The following LIN9 variants were observed in gnomAD, a reference collection of about 807,000 sequenced individuals.
The protein encoded by LIN9 is protein lin-9 homolog.
Under a neutral mutation model 78.0 loss-of-function variants are expected in LIN9, and 18 were observed. The ratio of observed to expected loss-of-function variants is 0.23; its 90% CI spans 0.16 to 0.34. The LOEUF (loss-of-function observed/expected upper bound fraction) is 0.34. Ranked by LOEUF, LIN9 falls within the 10% of genes least tolerant of loss-of-function variation. The pLI is 1.00. For synonymous variants in LIN9, 192 were observed against 215.2 expected (o/e 0.89, Z 0.94); for missense variants, 451 against 644.1 (o/e 0.70, Z 3.25).
At chr1:226,283,951 AAGAG>A (rs200206974) in intron 6 of LIN9, among the ~76,000 whole-genome samples, 96 of 151,966 alleles carry the variant, frequency 6.3e-4, no homozygotes, top group South Asian at 5.4e-3. Flanking sequence ...TCAAAAAAAA[AAGAG>A]AGAGAGAGAG....
intron 10 of LIN9, among the ~76,000 whole-genome samples, chr1:226,253,379 C>T (rs1658971737): frequency 6.6e-6 from 1 of 151,432 alleles, no homozygotes; most frequent in African/African-American, 2.4e-5. Context: ...ATCTTGGCTT[C>T]ACCTCCCAGG....
At chr1:226,306,505 A>G (rs949206646) in intron 1 of LIN9, among the ~76,000 whole-genome samples, 6 of 152,214 alleles carry the variant, frequency 3.9e-5, no homozygotes, top group African/African-American at 1.4e-4. Context: ...CTAAGAAGAA[A>G]TGTGAAACAG....
chr1:226,277,782 T>C lies in LIN9; in HGVS notation c.675A>G (p.Lys225=). The C allele has an allele frequency of 6.2e-7, 1 of 1,613,260 alleles. No homozygotes were observed. Among genetic ancestry groups the C allele is most frequent in the Middle Eastern group, 1.7e-4 (1 of 6,040 alleles). ...TAGCTTGTTTTCACTTACCTGTAAC[T>C]TTCGTTCCAATAACCAGAGGCAAAG... ...EIPLPLVIGT[K]VTARLRGVHD... The change falls in exon 7 of 15, where the codon AAA becomes AAG. Residue 225 remains lysine, a synonymous_variant. Coordinates refer to ENST00000681046, the MANE Select transcript of LIN9 (RefSeq NM_001366245.2).
At chr1:226,247,013 C>T (rs1253293395) in intron 11 of LIN9, among the ~76,000 whole-genome samples, 3 of 152,012 alleles carry the variant, frequency 2.0e-5, no homozygotes, top group South Asian at 2.1e-4. Context: ...TCCTATTTAT[C>T]GTCTCTTCTC....
intron 10 of LIN9, among the ~76,000 whole-genome samples, chr1:226,262,416 C>T (rs1333691899): frequency 1.3e-5 from 2 of 152,238 alleles, no homozygotes; most frequent in East Asian, 1.9e-4. Flanking sequence ...ATACAAAGAA[C>T]TCTTAAAACC....
chr1:226,287,928 C>G, intron 4 of LIN9, 131 bp from the exon 5 acceptor site: 1 of 625,532 alleles, frequency 1.6e-6, no homozygotes. Context: ...CACTGATATT[C>G]AACATGGAAT....
intron 10 of LIN9, among the ~76,000 whole-genome samples, chr1:226,263,398 T>C (rs1659715742): frequency 6.6e-6 from 1 of 152,202 alleles, no homozygotes; most frequent in Non-Finnish European, 1.5e-5. Context: ...GGGAAATATC[T>C]GTATCTTCTT....
intron 1 of LIN9, among the ~76,000 whole-genome samples, chr1:226,302,547 CA>C (rs750572116): frequency 1.7e-3 from 131 of 79,104 alleles, no homozygotes; most frequent in Middle Eastern, 6.4e-3. Flanking sequence ...ACTCCATGTC[CA>C]AAAAAAAAAA....
At chr1:226,254,728 G>A (rs373096806) in intron 10 of LIN9, among the ~76,000 whole-genome samples, 4 of 151,898 alleles carry the variant, frequency 2.6e-5, no homozygotes, top group Admixed American at 1.3e-4. Context: ...TGGCTAACAC[G>A]GTGAAACCCC....
At chr1:226,243,027 T>A (rs1658215622) in intron 11 of LIN9, among the ~76,000 whole-genome samples, 1 of 152,222 alleles carries the variant, frequency 6.6e-6, no homozygotes, top group Admixed American at 6.5e-5. Flanking sequence ...CAGTAGGCTA[T>A]TAGTAGTTAA....
chr1:226,256,502 C>G (rs1659201440), intron 10 of LIN9, among the ~76,000 whole-genome samples: 1 of 151,714 alleles, frequency 6.6e-6, no homozygotes, highest in African/African-American at 2.4e-5. Context: ...AGTTGTGCAG[C>G]AGCCTGAGAA....
intron 10 of LIN9, among the ~76,000 whole-genome samples, chr1:226,255,645 C>T (rs1278435879): frequency 6.6e-6 from 1 of 152,064 alleles, no homozygotes; most frequent in Non-Finnish European, 1.5e-5. Flanking sequence ...GAGTAATAAG[C>T]TAAGGCCTCT....
chr1:226,305,858 C>T (rs774492432), intron 1 of LIN9, among the ~76,000 whole-genome samples: 5 of 152,106 alleles, frequency 3.3e-5, no homozygotes, highest in East Asian at 3.9e-4. Flanking sequence ...GGATCCCTCT[C>T]GCTGTGTGTT....
intron 6 of LIN9, among the ~76,000 whole-genome samples, chr1:226,280,791 CA>C (rs965721887): frequency 6.6e-6 from 1 of 151,420 alleles, no homozygotes; most frequent in Non-Finnish European, 1.5e-5. Context: ...AACACATAAA[CA>C]AAAAAAACCA....
At chr1:226,244,900 T>C (rs1658365732) in intron 11 of LIN9, among the ~76,000 whole-genome samples, 2 of 152,230 alleles carry the variant, frequency 1.3e-5, no homozygotes, top group Admixed American at 1.3e-4. Context: ...TGCTCCTTCT[T>C]GATGAACATT....
chr1:226,265,696 T>A lies in LIN9; in HGVS notation c.937-62A>T. ...ATTCAGAGGAAGTATCTTATTTTTTTATTTTTATTTTTTTTTAGACGGAGT... is the reference window on the plus strand; with the variant it reads ...ATTCAGAGGAAGTATCTTATTTTTTAATTTTTATTTTTTTTTAGACGGAGT... On this transcript the variant is annotated intron_variant, in intron 9 of 14. Coordinates refer to ENST00000681046, the MANE Select transcript of LIN9 (RefSeq NM_001366245.2). This position sits in a 1 kb window ranked among gnomAD's most constrained non-coding sequence, Gnocchi z 4.1. 5 of 930,252 alleles carry A rather than the reference T, an allele frequency of 5.4e-6. No individual in the cohort carries two copies. The highest frequency in any genetic ancestry group is 8.2e-6 in the Non-Finnish European group (5 of 608,084). The allele number at this position is 930,252 out of a possible 1,614,324, so 57.6% of individuals were successfully genotyped here.
In LIN9 at chr1:226,236,437, T is replaced by C. The variant is rs140811115; in HGVS notation, c.1245+2534A>G. Among the ~76,000 whole-genome samples, 643 of 152,096 alleles carry C rather than the reference T, an allele frequency of 4.2e-3. 26 individuals are homozygous for C. The South Asian group carries it at 0.077, about 18-fold the overall frequency. On this transcript the variant is annotated intron_variant, in intron 12 of 14. Transcript: ENST00000681046. ...TAATCATACATTATATATTCTCTTGTGTCTGACTTTATTTATTTATTTATT... is the reference window on the plus strand; with the variant it reads ...TAATCATACATTATATATTCTCTTGCGTCTGACTTTATTTATTTATTTATT...
At chr1:226,289,853 G>GGT (rs1661635790) in intron 4 of LIN9, among the ~76,000 whole-genome samples, 2 of 75,692 alleles carry the variant, frequency 2.6e-5, no homozygotes, top group East Asian at 1.1e-3. Context: ...GGGTGGGGGG[G>GGT]GGTGGGAAAG....
chr1:226,283,692 A>G (rs944483463), intron 6 of LIN9, among the ~76,000 whole-genome samples: 2 of 152,130 alleles, frequency 1.3e-5, no homozygotes, highest in Non-Finnish European at 2.9e-5. Context: ...TCATACCCAT[A>G]ATCTCAGCAC....
Sources: gnomAD v4.1 joint callset for allele counts (sites outside exome capture counted in the v4.1 genomes callset) on GRCh38, gnomAD v4.1.1 for gene constraint, Gnocchi (gnomAD v3.1) non-coding constraint, MANE v1.5 for transcripts, NCBI Gene and HGNC (gene_info 2026-07-23, HGNC 2026-07-21) for gene names.